RBM25: variants seen among roughly 807,000 people sequenced by gnomAD.
The protein encoded by RBM25 is RNA-binding protein 25.
RBM25 carries 19 observed loss-of-function variants against 120.7 expected under a neutral mutation model. That is an observed-to-expected ratio of 0.16 (90% CI 0.11 to 0.23). The LOEUF (loss-of-function observed/expected upper bound fraction) is 0.23. RBM25 is among the 10% of genes least tolerant of loss of function. RBM25 has a pLI of 1.00. For missense variants in RBM25, 605 were observed against 1,041.5 expected, an observed-to-expected ratio of 0.58 and a Z score of 5.77; for synonymous variants, 390 against 326.7, an observed-to-expected ratio of 1.19 and a Z score of -2.09.
rs375108481 is a variant in RBM25, at chr14:73,088,117, G to T, written c.499G>T (p.Ala167Ser). 67 of 1,614,004 alleles carry T rather than the reference G, an allele frequency of 4.2e-5. No individual in the cohort carries two copies. Among genetic ancestry groups the T allele is most frequent in the Middle Eastern group, 1.6e-4 (1 of 6,082 alleles). Residue 167 changes from alanine (A) to serine (S), a missense_variant, in exon 6 of 19, where the codon GCA (alanine) becomes TCA (serine). Physicochemically the swap from Ala to Ser is moderately conservative, Grantham distance 99. Around this residue, in one of 4 missense-constraint regions of RBM25, gnomAD observed 27 missense variants for 109.4 expected, o/e 0.25. Transcript: ENST00000261973. ...CGTTAAAGTTGATGCAAAGACAAAG[G>T]CACAGCTGGATGAATGGAAAGCAAA... The part of the protein sequence containing the change: ...LLVKVDAKTK[A>S]QLDEWKAKKK...
At chr14:73,104,779 T>G (rs558536358) in intron 10 of RBM25, among the ~76,000 whole-genome samples, 79 of 152,190 alleles carry the variant, frequency 5.2e-4, no homozygotes, top group Non-Finnish European at 5.3e-4. Flanking sequence ...TCCTTTTTCT[T>G]CAGGCTAGTT....
intron 6 of RBM25, 37 bp downstream of exon 6, chr14:73,088,198 C>T (rs1236199399): frequency 1.7e-5 from 28 of 1,609,662 alleles, no homozygotes; most frequent in African/African-American, 2.7e-5. Flanking sequence ...CTAGGCCAGA[C>T]TGTGCTATTT....
intron 9 of RBM25, 193 bp downstream of exon 9, chr14:73,099,943 G>GT: frequency 2.5e-6 from 2 of 808,788 alleles, no homozygotes; most frequent in South Asian, 3.0e-5. Context: ...GTTGTGCTTA[G>GT]TTTTTTCAGT....
At chr14:73,088,613 C>A in intron 6 of RBM25, 1 of 328,836 alleles carries the variant, frequency 3.0e-6, no homozygotes, top group Non-Finnish European at 6.0e-6. Flanking sequence ...CTAAGTGAAG[C>A]TAAAATAAAG....
chr14:73,104,937 C>T (rs1035372876), intron 10 of RBM25, among the ~76,000 whole-genome samples: 10 of 151,808 alleles, frequency 6.6e-5, no homozygotes, highest in African/African-American at 1.9e-4. Context: ...TCTGTCCATT[C>T]CTGATACAGT....
chr14:73,101,035 T>C (rs1298597035), intron 9 of RBM25: 1 of 152,220 alleles, frequency 6.6e-6, no homozygotes, highest in African/African-American at 2.4e-5. Flanking sequence ...GAGGAAATCA[T>C]GTTTTAAGAA....
chr14:73,068,058 C>T (rs986001978), intron 1 of RBM25: 14 of 508,042 alleles, frequency 2.8e-5, no homozygotes, highest in African/African-American at 3.9e-5. Flanking sequence ...ACTGGTTTAG[C>T]GTGAGCAGTG....
chr14:73,075,833 A>AC (rs1411457801), intron 2 of RBM25, among the ~76,000 whole-genome samples: 1 of 150,730 alleles, frequency 6.6e-6, no homozygotes, highest in Non-Finnish European at 1.5e-5. Context: ...TTTGTGGAGA[A>AC]CGGGGTCTCA....
intron 10 of RBM25, among the ~76,000 whole-genome samples, chr14:73,104,145 G>A (rs929933929): frequency 1.2e-4 from 18 of 151,956 alleles, no homozygotes; most frequent in African/African-American, 4.1e-4. Context: ...GGGTCCGTGG[G>A]CATTTTTAAA....
chr14:73,116,528 A>T (rs1896431250), intron 18 of RBM25, among the ~76,000 whole-genome samples: 1 of 152,218 alleles, frequency 6.6e-6, no homozygotes, highest in Admixed American at 6.5e-5. Context: ...CACCTGATAA[A>T]ACATTTGTGA....
intron 6 of RBM25, among the ~76,000 whole-genome samples, chr14:73,096,499 GCTTTTT>G (rs1295864475): frequency 6.6e-6 from 1 of 152,078 alleles, no homozygotes; most frequent in African/African-American, 2.4e-5. Context: ...ATACAATTTT[GCTTTTT>G]CTGAGTGGTA....
intron 2 of RBM25, among the ~76,000 whole-genome samples, chr14:73,074,920 G>A (rs1192469192): frequency 6.6e-6 from 1 of 151,536 alleles, no homozygotes; most frequent in Non-Finnish European, 1.5e-5. Context: ...TGGCTCAAGC[G>A]ATGTGCCTGT....
chr14:73,111,507 AAG>A lies in RBM25; in HGVS notation c.2018-16_2018-15del, dbSNP rs1896309059. The A allele has an allele frequency of 6.4e-7, 1 of 1,567,682 alleles. No individual in the cohort carries two copies. The highest frequency in any genetic ancestry group is 1.2e-5 in the South Asian group (1 of 83,072). On this transcript the variant is annotated intron_variant, in intron 15 of 18. Transcript: ENST00000261973. ...CATTTGGAAATTAAGTCATCTTGCTAAGAGAGTGTTTTTACTGTAGGTGCTTC... is the reference window on the plus strand; with the variant it reads ...CATTTGGAAATTAAGTCATCTTGCTAAGAGTGTTTTTACTGTAGGTGCTTC...
rs757057942 is a variant in RBM25, at chr14:73,112,165, G to A, written c.2306G>A (p.Arg769His). The A allele has an allele frequency of 1.9e-6, 3 of 1,602,974 alleles. No homozygotes were observed. Among genetic ancestry groups the A allele is most frequent in the African/African-American group, 2.7e-5 (2 of 74,286 alleles). The change falls in exon 17 of 19, where the codon CGT becomes CAT. Residue 769 changes from arginine (R) to histidine (H), a missense_variant. Coordinates refer to ENST00000261973, the MANE Select transcript of RBM25 (RefSeq NM_021239.3). The stretch of plus-strand genomic sequence containing the variant: ...TTTGTTTTGCAGATACTGATGGAAC[G>A]TCGAATTAGACCATGGATTAATAAG... ...WSIVDSILME[R>H]RIRPWINKKI...
intron 2 of RBM25, among the ~76,000 whole-genome samples, chr14:73,074,228 A>G (rs1986616): frequency 0.43 from 65,103 of 151,818 alleles, 15,153 homozygotes; most frequent in East Asian, 0.57. Context: ...TTAATTTATT[A>G]ATTTTTTTGA....
intron 1 of RBM25, among the ~76,000 whole-genome samples, chr14:73,064,100 T>C (rs1895069563): frequency 6.6e-6 from 1 of 151,464 alleles, no homozygotes; most frequent in Admixed American, 6.6e-5. Flanking sequence ...ACCTTCTTGG[T>C]GAGGCCTAAT....
At position 73,099,404 on chromosome 14, in the gene RBM25, C is replaced by G. The variant is rs575142699; in HGVS notation, c.754C>G (p.Pro252Ala). 6.2e-7 allele frequency: 1 copy of G among 1,603,666 alleles called. No individual in the cohort carries two copies. The highest frequency in any genetic ancestry group is 1.3e-5 in the African/African-American group (1 of 74,092). The change falls in exon 8 of 19, where the codon CCA becomes GCA. Residue 252 changes from proline (P) to alanine (A), a missense_variant. Pro to Ala is a conservative substitution (Grantham distance 27). Coordinates refer to ENST00000261973, the MANE Select transcript of RBM25 (RefSeq NM_021239.3). ...GATTTTCCGCAGATTTCCAGTGGCC[C>G]CACTGATCCCTTATCCACTCATCAC... ...EDIFRRFPVA[P>A]LIPYPLITKE... is the part of the protein sequence containing the mutation.
intron 5 of RBM25, among the ~76,000 whole-genome samples, chr14:73,083,842 A>G (rs145230942): frequency 6.6e-6 from 1 of 151,876 alleles, no homozygotes; most frequent in East Asian, 1.9e-4. Flanking sequence ...AAATGACTGC[A>G]TGATCAAAAT....
intron 1 of RBM25, among the ~76,000 whole-genome samples, chr14:73,061,368 T>A (rs182394880): frequency 2.0e-5 from 3 of 151,362 alleles, no homozygotes; most frequent in Admixed American, 6.6e-5. Flanking sequence ...ATGCCTTTTT[T>A]AAAATGGCAG....
Sources: gnomAD v4.1 joint callset for allele counts (sites outside exome capture counted in the v4.1 genomes callset) on GRCh38, gnomAD v4.1.1 for gene constraint, gnomAD v4.1.1 regional missense constraint, MANE v1.5 for transcripts, NCBI Gene and HGNC (gene_info 2026-07-23, HGNC 2026-07-21) for gene names.